Variants in UBE2D3 observed in about 807,000 individuals in gnomAD.
UBE2D3 encodes ubiquitin conjugating enzyme E2 D3.
A neutral mutation model predicts 22.8 loss-of-function variants in UBE2D3; 2 were observed. The ratio of observed to expected loss-of-function variants is 0.09; its 90% CI spans 0.04 to 0.28. UBE2D3 has a LOEUF of 0.28. Among genes scored for constraint, UBE2D3 ranks in the 10% least tolerant of loss-of-function variants. The pLI is 1.00. For missense variants in UBE2D3, 27 were observed against 182.5 expected (o/e 0.15, Z 4.91); for synonymous variants, 56 against 60.4 (o/e 0.93, Z 0.34).
intron 1 of UBE2D3, among the ~76,000 whole-genome samples, chr4:102,854,397 T>A (rs901888488): frequency 1.1e-4 from 16 of 152,198 alleles, no homozygotes; most frequent in African/African-American, 3.6e-4. Context: ...GATGAATTAT[T>A]GAAAGAGAGA....
chr4:102,809,567 A>C (rs1387669747), intron 4 of UBE2D3, 105 bp downstream of exon 4: 3 of 1,186,044 alleles, frequency 2.5e-6, no homozygotes, highest in Non-Finnish European at 3.5e-6. Context: ...TCCAAAATAG[A>C]ATTAACTATA....
chr4:102,828,207 G>C (rs1730882135), upstream of UBE2D3: 7 of 985,482 alleles, frequency 7.1e-6, no homozygotes, highest in Non-Finnish European at 8.4e-6. Flanking sequence ...CGCAGACACA[G>C]CCTTGTCTCA....
intron 2 of UBE2D3, chr4:102,810,400 T>A (rs1727771303): frequency 7.1e-6 from 1 of 141,080 alleles, no homozygotes. Context: ...TCAGCATCCA[T>A]TTTTAACTAT....
chr4:102,813,301 C>T (rs223411), intron 2 of UBE2D3, among the ~76,000 whole-genome samples: 1 of 152,168 alleles, frequency 6.6e-6, no homozygotes, highest in Non-Finnish European at 1.5e-5. Context: ...ATCCTCTTGC[C>T]TCAGCCTCTT....
intron 1 of UBE2D3, among the ~76,000 whole-genome samples, chr4:102,835,344 T>A (rs1206379589): frequency 1.3e-5 from 2 of 152,238 alleles, no homozygotes; most frequent in Non-Finnish European, 2.9e-5. Flanking sequence ...TGTGTATAAG[T>A]TATATGCAAA....
chr4:102,848,454 C>T (rs1220445635), intron 1 of UBE2D3, among the ~76,000 whole-genome samples: 1 of 151,936 alleles, frequency 6.6e-6, no homozygotes, highest in Admixed American at 6.6e-5. Flanking sequence ...AGACCAGCCT[C>T]GCCAACGTGG....
At chr4:102,808,109 A>G (rs1727355582) in intron 4 of UBE2D3, among the ~76,000 whole-genome samples, 1 of 152,218 alleles carries the variant, frequency 6.6e-6, no homozygotes, top group Non-Finnish European at 1.5e-5. Context: ...AGAGGTTGCA[A>G]AAGCAACTGC....
At chr4:102,829,175 A>G (rs1244697062), upstream of UBE2D3, among the ~76,000 whole-genome samples, 2 of 152,160 alleles carry the variant, frequency 1.3e-5, no homozygotes, top group African/African-American at 4.8e-5. Context: ...TTGATTTGGT[A>G]GGGCAGTGGT....
rs990906176 is a variant in UBE2D3 at position 102,868,621 on chromosome 4, A to T, written c.-129+94T>A. The T allele has an allele frequency of 7.8e-6, 12 of 1,535,742 alleles. 1 individual carries two copies. Among genetic ancestry groups the T allele is most frequent in the Middle Eastern group, 3.9e-4 (2 of 5,088 alleles). ...GGGTCTGGGTAGGGGGAGGATACTC[A>T]TGGGCGAGTATGCAACCCTAGGGCC... On this transcript the variant is annotated intron_variant, in intron 1 of 7. Transcript: ENST00000338145.
At chr4:102,801,364 G>T in intron 6 of UBE2D3, 90 bp downstream of exon 6, 1 of 1,115,394 alleles carries the variant, frequency 9.0e-7, no homozygotes, top group Non-Finnish European at 1.3e-6. Context: ...TTACCAAAAA[G>T]CTGCCATAAT....
intron 4 of UBE2D3, among the ~76,000 whole-genome samples, chr4:102,806,545 T>C (rs941110136): frequency 2.0e-5 from 3 of 152,118 alleles, no homozygotes; most frequent in Admixed American, 1.3e-4. Context: ...CCAAATAAAA[T>C]AGTACCTATG....
chr4:102,859,284 A>C (rs1379570071), intron 1 of UBE2D3, among the ~76,000 whole-genome samples: 6 of 152,086 alleles, frequency 3.9e-5, no homozygotes, highest in Non-Finnish European at 8.8e-5. Flanking sequence ...TGAAAGTCTT[A>C]TAGGAGCTCC....
rs368731947 is a variant in UBE2D3, at chr4:102,798,583, C to T, written c.398+824G>A. 6.5e-4 allele frequency among the ~76,000 whole-genome samples: 98 copies of T among 151,214 alleles called. 1 individual carries two copies. The South Asian group carries it at 0.02, about 31-fold the overall frequency. On this transcript the variant is annotated intron_variant, in intron 7 of 7. Coordinates refer to ENST00000453744, the MANE Select transcript of UBE2D3 (RefSeq NM_181891.3). Reference sequence around the variant, plus strand: ...TGTTTTTCCCTTACATTACTATCTCCCGGCAAAATTTGAACTAAACCACCA... The same window carrying T: ...TGTTTTTCCCTTACATTACTATCTCTCGGCAAAATTTGAACTAAACCACCA...
intron 2 of UBE2D3, among the ~76,000 whole-genome samples, chr4:102,815,579 A>C (rs1373954650): frequency 1.3e-5 from 2 of 152,186 alleles, no homozygotes; most frequent in Non-Finnish European, 2.9e-5. Flanking sequence ...GCACACTGAT[A>C]TTTATCCATC....
intron 2 of UBE2D3, among the ~76,000 whole-genome samples, chr4:102,818,845 C>T (rs1017089890): frequency 7.2e-5 from 11 of 152,152 alleles, no homozygotes; most frequent in Admixed American, 2.6e-4. Context: ...ACTGTAGTCA[C>T]TATGGGATAT....
chr4:102,802,084 T>C (rs1726242028), intron 5 of UBE2D3: 1 of 154,306 alleles, frequency 6.5e-6, no homozygotes, highest in Admixed American at 6.4e-5. Context: ...TTCATACAGG[T>C]TGAATTTATG....
chr4:102,863,357 T>C (rs1405693081), intron 1 of UBE2D3, among the ~76,000 whole-genome samples: 3 of 151,322 alleles, frequency 2.0e-5, no homozygotes, highest in Non-Finnish European at 4.4e-5. Context: ...GGCCCCAGGC[T>C]CTTTTTAACA....
intron 2 of UBE2D3, among the ~76,000 whole-genome samples, chr4:102,816,667 A>C (rs1560861918): frequency 6.6e-6 from 1 of 152,228 alleles, no homozygotes; most frequent in Non-Finnish European, 1.5e-5. Context: ...AGTTTTGCTG[A>C]AAAACATGTA....
rs1248168055 is a variant in UBE2D3, at chr4:102,841,016, T to C, written c.-128-14380A>G. 8.0e-5 allele frequency among the ~76,000 whole-genome samples: 12 copies of C among 150,408 alleles called. No individual in the cohort carries two copies. The East Asian group carries it at 2.3e-3, about 29-fold the overall frequency. On this transcript the variant is annotated intron_variant, in intron 1 of 7. Transcript: ENST00000338145. ...GTCTGGGTGACAGAACAAGACTCTT[T>C]TAAAAAAAAAAAAAAGTATAGCAAT...
Sources: gnomAD v4.1 joint callset for allele counts (sites outside exome capture counted in the v4.1 genomes callset) on GRCh38, gnomAD v4.1.1 for gene constraint, MANE v1.5 for transcripts, NCBI Gene and HGNC (gene_info 2026-07-23, HGNC 2026-07-21) for gene names.